NEGR1: variants seen among roughly 807,000 people sequenced by gnomAD.
NEGR1 encodes the protein neuronal growth regulator 1, also known as IgLON family member 4.
NEGR1 carries 10 observed loss-of-function variants against 40.9 expected under a neutral mutation model. The observed-to-expected ratio is 0.24, with a 90% confidence interval of 0.15 to 0.42. NEGR1 has a LOEUF of 0.42. Among genes scored for constraint, NEGR1 ranks in the 10% least tolerant of loss-of-function variants. The pLI is 1.00. For missense variants in NEGR1, 352 were observed against 438.9 expected, an observed-to-expected ratio of 0.80 and a Z score of 1.77; for synonymous variants, 185 against 166.8, an observed-to-expected ratio of 1.11 and a Z score of -0.84.
At chr1:72,061,570 T>C (rs1230786813) in intron 1 of NEGR1, among the ~76,000 whole-genome samples, 1 of 151,746 alleles carries the variant, frequency 6.6e-6, no homozygotes, top group African/African-American at 2.4e-5. Flanking sequence ...AGATAATCCA[T>C]ATAGATTAAT....
chr1:71,615,048 T>G (rs908710636), intron 4 of NEGR1, among the ~76,000 whole-genome samples: 1 of 152,200 alleles, frequency 6.6e-6, no homozygotes. Flanking sequence ...GTCCAAGTGT[T>G]GTGAAGTAAT....
At chr1:71,829,021 T>C (rs906936996) in intron 2 of NEGR1, among the ~76,000 whole-genome samples, 6 of 151,920 alleles carry the variant, frequency 3.9e-5, no homozygotes, top group Admixed American at 3.9e-4. Context: ...AGTTTAACCC[T>C]CCTTTTCATT....
At chr1:71,753,560 C>A (rs1366019920) in intron 3 of NEGR1, among the ~76,000 whole-genome samples, 2 of 152,124 alleles carry the variant, frequency 1.3e-5, no homozygotes, top group Non-Finnish European at 2.9e-5. Context: ...AGATACTACT[C>A]TTTCCATCAT....
intron 1 of NEGR1, among the ~76,000 whole-genome samples, chr1:71,940,001 T>C (rs150433468): frequency 7.2e-5 from 11 of 152,106 alleles, no homozygotes; most frequent in Non-Finnish European, 1.5e-4. Context: ...ACTATGCTAG[T>C]ATTTTTAGAG....
chr1:71,763,746 A>AGTGT lies in NEGR1; in HGVS notation c.535+12422_535+12425dup, dbSNP rs55890627. 4.9e-3 allele frequency among the ~76,000 whole-genome samples: 730 copies of AGTGT among 150,088 alleles called. 7 individuals carry two copies. The highest frequency in any genetic ancestry group is 0.017 in the African/African-American group (691 of 40,856). Reference sequence around the variant, plus strand: ...AATAAAGGGCTGATGCATATTTAGGAGTGTGTGTGTGTGTGTGTGTGTGTG... The same window carrying AGTGT: ...AATAAAGGGCTGATGCATATTTAGGAGTGTGTGTGTGTGTGTGTGTGTGTGTGTG... On this transcript the variant is annotated intron_variant, in intron 3 of 6. Transcript: ENST00000357731.
chr1:72,072,083 CT>C lies in NEGR1; in HGVS notation c.177-136773del, dbSNP rs1252073322. 2.6e-5 allele frequency among the ~76,000 whole-genome samples: 4 copies of C among 152,166 alleles called. No individual in the cohort carries two copies. The East Asian group carries it at 7.7e-4, about 29-fold the overall frequency. ...CTTAGTATTGAAATAGACTTTCCTACTTCCACACATGGCACATTCCTATTTC... is the reference window on the plus strand; with the variant it reads ...CTTAGTATTGAAATAGACTTTCCTACTCCACACATGGCACATTCCTATTTC... On this transcript the variant is annotated intron_variant, in intron 1 of 6. Transcript: ENST00000357731.
intron 1 of NEGR1, among the ~76,000 whole-genome samples, chr1:72,228,001 G>A (rs933559233): frequency 6.6e-6 from 1 of 152,004 alleles, no homozygotes; most frequent in African/African-American, 2.4e-5. Context: ...GACTAATAAC[G>A]TTATTGGTAT....
chr1:72,083,289 G>A (rs367812479), intron 1 of NEGR1, among the ~76,000 whole-genome samples: 2 of 150,414 alleles, frequency 1.3e-5, no homozygotes, highest in African/African-American at 2.4e-5. Flanking sequence ...TCCCTCCCTC[G>A]CTCATTCTCT....
intron 4 of NEGR1, among the ~76,000 whole-genome samples, chr1:71,681,292 T>A (rs1024349550): frequency 6.6e-6 from 1 of 152,256 alleles, no homozygotes; most frequent in African/African-American, 2.4e-5. Flanking sequence ...ATGCAAACAT[T>A]TATGTCAAAT....
chr1:72,203,833 C>T (rs1653299281), intron 1 of NEGR1, among the ~76,000 whole-genome samples: 1 of 152,096 alleles, frequency 6.6e-6, no homozygotes, highest in Non-Finnish European at 1.5e-5. Flanking sequence ...GACCCTCCAA[C>T]AGAAAAACGA....
At chr1:72,060,225 CACAG>C (rs1647153845) in intron 1 of NEGR1, among the ~76,000 whole-genome samples, 2 of 151,590 alleles carry the variant, frequency 1.3e-5, no homozygotes, top group Non-Finnish European at 3.0e-5. Context: ...TTCCCTCACA[CACAG>C]ACAGTTAAAT....
intron 1 of NEGR1, among the ~76,000 whole-genome samples, chr1:72,170,584 C>T (rs1420459583): frequency 6.6e-6 from 1 of 152,150 alleles, no homozygotes. Flanking sequence ...AAGAGGTAAT[C>T]TTTCAAATGT....
chr1:71,825,710 G>A (rs1281731127), intron 2 of NEGR1, among the ~76,000 whole-genome samples: 1 of 151,788 alleles, frequency 6.6e-6, no homozygotes, highest in East Asian at 1.9e-4. Context: ...TTATGAAAAG[G>A]ATCACATGTG....
chr1:72,190,688 T>G (rs1652788656), intron 1 of NEGR1, among the ~76,000 whole-genome samples: 1 of 151,614 alleles, frequency 6.6e-6, no homozygotes, highest in African/African-American at 2.4e-5. Flanking sequence ...TTGATTAAAC[T>G]TTTTATAGAG....
rs187357075 is a variant in NEGR1, at chr1:72,226,149, A to C, written c.176+56170T>G. Among the ~76,000 whole-genome samples, 581 of 152,032 alleles carry C rather than the reference A, an allele frequency of 3.8e-3. 4 individuals carry two copies. The highest frequency in any genetic ancestry group is 8.9e-3 in the South Asian group (43 of 4,826). ...CTTAATCAAGATCTAAACTTTTTGG[A>C]AACATGTATTACCTATATTGCTAAA... On this transcript the variant is annotated intron_variant, in intron 1 of 6. Coordinates refer to ENST00000357731, the MANE Select transcript of NEGR1 (RefSeq NM_173808.3).
At chr1:72,220,341 G>C (rs144584030) in intron 1 of NEGR1, among the ~76,000 whole-genome samples, 6 of 151,878 alleles carry the variant, frequency 4.0e-5, no homozygotes, top group Non-Finnish European at 5.9e-5. Context: ...GTAAAACTAA[G>C]TTTTACTGAA....
At chr1:71,733,590 G>T (rs112800193) in intron 3 of NEGR1, among the ~76,000 whole-genome samples, 1 of 152,080 alleles carries the variant, frequency 6.6e-6, no homozygotes, top group African/African-American at 2.4e-5. Flanking sequence ...TTCTACTGAA[G>T]AGCCCAAGGC....
intron 1 of NEGR1, among the ~76,000 whole-genome samples, chr1:72,010,265 CTG>C (rs1018126867): frequency 9.9e-5 from 15 of 152,106 alleles, no homozygotes; most frequent in African/African-American, 3.6e-4. Context: ...CATCTCATGA[CTG>C]TGAGATAGGT....
chr1:71,879,105 C>T (rs1660512486), intron 2 of NEGR1, among the ~76,000 whole-genome samples: 1 of 150,438 alleles, frequency 6.6e-6, no homozygotes, highest in African/African-American at 2.5e-5. Flanking sequence ...TGCACTCCAG[C>T]CTGGGAAACA....
Sources: gnomAD v4.1 joint callset for allele counts (sites outside exome capture counted in the v4.1 genomes callset) on GRCh38, gnomAD v4.1.1 for gene constraint, MANE v1.5 for transcripts, NCBI Gene and HGNC (gene_info 2026-07-23, HGNC 2026-07-21) for gene names.